Variants in PARD3B observed in about 807,000 individuals in gnomAD.
The protein encoded by PARD3B is par-3 family cell polarity regulator beta.
PARD3B carries 103 observed loss-of-function variants against 130.2 expected under a neutral mutation model. That is an observed-to-expected ratio of 0.79 (90% CI 0.67 to 0.93). The LOEUF (loss-of-function observed/expected upper bound fraction) is 0.93, where lower values mean the gene tolerates loss of function less well. Ranked by LOEUF, PARD3B falls within the 40% of genes least tolerant of loss-of-function variation. The pLI is 0.00. For synonymous variants in PARD3B, 583 were observed against 553.2 expected, an observed-to-expected ratio of 1.05 and a Z score of -0.76; for missense variants, 1,609 against 1,499.2, an observed-to-expected ratio of 1.07 and a Z score of -1.21.
At chr2:204,684,731 C>CT (rs1054240651) in intron 1 of PARD3B, among the ~76,000 whole-genome samples, 3 of 152,166 alleles carry the variant, frequency 2.0e-5, no homozygotes, top group Non-Finnish European at 4.4e-5. Context: ...ACTCCCACTG[C>CT]TTATATCTTT....
At chr2:205,137,393 A>C (rs891931115) in intron 10 of PARD3B, among the ~76,000 whole-genome samples, 2 of 152,190 alleles carry the variant, frequency 1.3e-5, no homozygotes, top group Non-Finnish European at 2.9e-5. Context: ...AGGAACAGAA[A>C]GGAACATTTT....
At chr2:205,526,962 A>T (rs867761351) in intron 21 of PARD3B, among the ~76,000 whole-genome samples, 1 of 152,152 alleles carries the variant, frequency 6.6e-6, no homozygotes, top group East Asian at 1.9e-4. Flanking sequence ...GGTAAATTCT[A>T]TGTGGGGACA....
chr2:205,057,111 T>G (rs1287120628), intron 4 of PARD3B, among the ~76,000 whole-genome samples: 1 of 151,610 alleles, frequency 6.6e-6, no homozygotes, highest in African/African-American at 2.4e-5. Context: ...GTATAATTTG[T>G]AATTTGTCCA....
At chr2:204,587,343 T>TA (rs1490514411) in intron 1 of PARD3B, among the ~76,000 whole-genome samples, 3 of 152,312 alleles carry the variant, frequency 2.0e-5, no homozygotes, top group South Asian at 2.1e-4. Flanking sequence ...AGGGAATCTT[T>TA]AAAAAAATTC....
intron 10 of PARD3B, among the ~76,000 whole-genome samples, chr2:205,134,594 C>T (rs796330460): frequency 1.3e-5 from 2 of 152,144 alleles, no homozygotes; most frequent in African/African-American, 4.8e-5. Context: ...TACCTTCTCT[C>T]ACTTGTGCAA....
At position 204,907,062 on chromosome 2, in the gene PARD3B, C is replaced by T. The variant is rs1034055326; in HGVS notation, c.223-58090C>T. On this transcript the variant is annotated intron_variant, in intron 2 of 22. Coordinates refer to ENST00000406610, the MANE Select transcript of PARD3B (RefSeq NM_001302769.2). This position sits in a 1 kb window ranked among gnomAD's most constrained non-coding sequence, Gnocchi z 5.7. ...GTGGCACGATCTCGGCTCACTGTAA[C>T]CTCCACCTCCCGGGTTGTAGCAATT... Among the ~76,000 whole-genome samples, 2 of 151,954 alleles carry T rather than the reference C, an allele frequency of 1.3e-5. No homozygotes were observed. Among genetic ancestry groups the T allele is most frequent in the African/African-American group, 4.8e-5 (2 of 41,348 alleles).
intron 18 of PARD3B, among the ~76,000 whole-genome samples, chr2:205,383,968 C>T (rs114507238): frequency 1.5e-3 from 225 of 152,232 alleles, no homozygotes; most frequent in African/African-American, 5.2e-3. Context: ...AAATTGCCCA[C>T]TGGCTTGATG....
chr2:205,178,103 C>A (rs886573911), intron 13 of PARD3B, among the ~76,000 whole-genome samples: 2 of 115,096 alleles, frequency 1.7e-5, no homozygotes, highest in Non-Finnish European at 3.2e-5. Flanking sequence ...GTCGGAAGTT[C>A]GAGACCAGCC....
chr2:205,504,881 C>A (rs2050291495), intron 21 of PARD3B, among the ~76,000 whole-genome samples: 1 of 152,160 alleles, frequency 6.6e-6, no homozygotes, highest in Non-Finnish European at 1.5e-5. Flanking sequence ...CCAGCCATCC[C>A]ATTACTGGGT....
At chr2:204,724,749 A>C (rs2039147647) in intron 2 of PARD3B, among the ~76,000 whole-genome samples, 1 of 149,512 alleles carries the variant, frequency 6.7e-6, no homozygotes, top group Admixed American at 6.7e-5. Context: ...CAAGGAGTTC[A>C]TGATCGTATT....
chr2:205,178,193 T>C (rs2035585241), intron 13 of PARD3B, among the ~76,000 whole-genome samples: 1 of 102,100 alleles, frequency 9.8e-6, no homozygotes, highest in Admixed American at 1.1e-4. Flanking sequence ...TCTGATGTGA[T>C]AGCACATGCC....
Position 205,426,273 on chromosome 2 carries a change from A to C in PARD3B, c.2742-14097A>C, listed in dbSNP as rs80037181. Among the ~76,000 whole-genome samples, 1,321 of 152,050 alleles carry C rather than the reference A, an allele frequency of 8.7e-3. 10 individuals carry two copies. Among genetic ancestry groups the C allele is most frequent in the African/African-American group, 0.022 (921 of 41,364 alleles). On this transcript the variant is annotated intron_variant, in intron 19 of 22. Coordinates refer to ENST00000406610, the MANE Select transcript of PARD3B (RefSeq NM_001302769.2). The stretch of plus-strand genomic sequence containing the variant: ...AATTTTAATACTACTACTACTAATA[A>C]TAATAATAATAGTAAACTCACATTG...
rs745868308 is a variant in PARD3B, at chr2:204,802,100, G to T, written c.222+115818G>T. Among the ~76,000 whole-genome samples, 5 of 152,140 alleles carry T rather than the reference G, an allele frequency of 3.3e-5. No individual in the cohort carries two copies. In the East Asian group the frequency reaches 9.7e-4, roughly 29 times the overall value. On this transcript the variant is annotated intron_variant, in intron 2 of 22. Transcript: ENST00000406610. ...AGATTTTTGATGTACTGCTGGATTC[G>T]TTTTGCCTGTATTTTATAATCTACG...
intron 21 of PARD3B, among the ~76,000 whole-genome samples, chr2:205,515,607 T>C (rs2050763622): frequency 6.6e-6 from 1 of 152,244 alleles, no homozygotes; most frequent in South Asian, 2.1e-4. Context: ...TGTATGTCTT[T>C]TTTTGAAAAG....
chr2:205,055,780 A>G (rs1182196655), intron 4 of PARD3B, among the ~76,000 whole-genome samples: 2 of 152,162 alleles, frequency 1.3e-5, no homozygotes, highest in Non-Finnish European at 2.9e-5. Flanking sequence ...ATAACCAGTC[A>G]TGCAGTGAGG....
intron 10 of PARD3B, among the ~76,000 whole-genome samples, chr2:205,157,097 C>G (rs1325016049): frequency 1.3e-5 from 2 of 152,130 alleles, no homozygotes; most frequent in African/African-American, 4.8e-5. Flanking sequence ...CACAAACTTA[C>G]AGTAGGATGG....
At chr2:205,002,513 T>A (rs761653631) in intron 3 of PARD3B, among the ~76,000 whole-genome samples, 9 of 152,204 alleles carry the variant, frequency 5.9e-5, no homozygotes, top group Admixed American at 1.3e-4. Context: ...TTGTCTCCTC[T>A]CTGCTGTCCT....
chr2:204,736,433 C>A (rs554008069), intron 2 of PARD3B, among the ~76,000 whole-genome samples: 2 of 152,070 alleles, frequency 1.3e-5, no homozygotes, highest in African/African-American at 4.8e-5. Flanking sequence ...CCCTTTCATC[C>A]TCCTCCTCCT....
intron 2 of PARD3B, among the ~76,000 whole-genome samples, chr2:204,869,324 T>C (rs966035586): frequency 6.6e-6 from 1 of 152,144 alleles, no homozygotes; most frequent in Non-Finnish European, 1.5e-5. Flanking sequence ...CTTTCGCTCC[T>C]CCTTGCCTAG....
Sources: allele counts gnomAD v4.1 joint callset (sites outside exome capture counted in the v4.1 genomes callset), GRCh38; gene constraint gnomAD v4.1.1; non-coding constraint Gnocchi (gnomAD v3.1); transcripts MANE v1.5; gene names NCBI Gene and HGNC (gene_info 2026-07-23, HGNC 2026-07-21).